Variants in GLIS1 observed in about 807,000 individuals in gnomAD.
GLIS1 encodes the protein zinc finger protein GLIS1.
Under a neutral mutation model 63.8 loss-of-function variants are expected in GLIS1, and 24 were observed. The ratio of observed to expected loss-of-function variants is 0.38; its 90% CI spans 0.27 to 0.53. The LOEUF is 0.53. Among genes scored for constraint, GLIS1 ranks in the 20% least tolerant of loss-of-function variants. GLIS1 has a pLI of 0.85. For missense variants in GLIS1, 1,036 were observed against 1,074.1 expected (o/e 0.96, Z 0.50); for synonymous variants, 450 against 482.5 (o/e 0.93, Z 0.88).
chr1:53,595,008 G>C lies in GLIS1; in HGVS notation c.438-18C>G, dbSNP rs1645241052. 1 of 1,408,794 alleles carries C rather than the reference G, an allele frequency of 7.1e-7. No homozygotes were observed. Among genetic ancestry groups the C allele is most frequent in the Non-Finnish European group, 9.2e-7 (1 of 1,087,034 alleles). The allele number at this position is 1,408,794 out of a possible 1,614,324, so 87.3% of individuals were successfully genotyped here. A position where few individuals can be genotyped will look rare whatever the true frequency, so the allele number is the denominator to read the frequency against. On this transcript the variant is annotated intron_variant, in intron 3 of 10. Transcript: ENST00000628545. ...TAGGTGACCTGGAAGACAGTGCCCAGAGAGGTCATGAGAGGCTGGGCTCGC... is the reference window on the plus strand; with the variant it reads ...TAGGTGACCTGGAAGACAGTGCCCACAGAGGTCATGAGAGGCTGGGCTCGC...
At chr1:53,529,403 T>G (rs1435033159) in intron 5 of GLIS1, among the ~76,000 whole-genome samples, 2 of 152,184 alleles carry the variant, frequency 1.3e-5, no homozygotes, top group Non-Finnish European at 1.5e-5. Context: ...TGACAGGTTC[T>G]GGGGAGGGGA....
At chr1:53,521,814 G>T (rs1001937138) in intron 6 of GLIS1, among the ~76,000 whole-genome samples, 3 of 152,250 alleles carry the variant, frequency 2.0e-5, no homozygotes, top group African/African-American at 7.2e-5. Flanking sequence ...TGGGAACAGG[G>T]TGAGGCCTTC....
At chr1:53,586,177 C>T (rs1645132596) in intron 4 of GLIS1, among the ~76,000 whole-genome samples, 1 of 152,304 alleles carries the variant, frequency 6.6e-6, no homozygotes, top group Non-Finnish European at 1.5e-5. Flanking sequence ...GCCCAAGCCC[C>T]CTGGGTTTGC....
At chr1:53,590,980 GTGGGA>G (rs1413332650) in intron 4 of GLIS1, among the ~76,000 whole-genome samples, 4 of 152,242 alleles carry the variant, frequency 2.6e-5, no homozygotes, top group Non-Finnish European at 4.4e-5. Context: ...GAGTGTTCCA[GTGGGA>G]TGGGATGGGG....
chr1:53,638,229 A>T (rs2100277806), intron 2 of GLIS1, among the ~76,000 whole-genome samples: 1 of 152,280 alleles, frequency 6.6e-6, no homozygotes, highest in South Asian at 2.1e-4. Context: ...GGGGAAAGGG[A>T]GGGTTCCTTG....
At chr1:53,636,079 C>A (rs1645719217) in intron 2 of GLIS1, among the ~76,000 whole-genome samples, 1 of 152,128 alleles carries the variant, frequency 6.6e-6, no homozygotes, top group Admixed American at 6.5e-5. Context: ...GGGGAATACT[C>A]TCCAGTTCAC....
At chr1:53,611,995 A>G (rs1319721200) in intron 2 of GLIS1, among the ~76,000 whole-genome samples, 3 of 151,914 alleles carry the variant, frequency 2.0e-5, no homozygotes, top group African/African-American at 4.8e-5. Context: ...CACCATGGCC[A>G]GCTAATTTTT....
At chr1:53,699,211 C>T (rs893710387) in intron 2 of GLIS1, among the ~76,000 whole-genome samples, 13 of 151,998 alleles carry the variant, frequency 8.6e-5, no homozygotes, top group Admixed American at 7.9e-4. Flanking sequence ...ACTACAGGCA[C>T]GCACCAACAC....
intron 2 of GLIS1, among the ~76,000 whole-genome samples, chr1:53,649,223 T>C (rs958872971): frequency 1.3e-5 from 2 of 152,250 alleles, no homozygotes; most frequent in African/African-American, 4.8e-5. Flanking sequence ...AGTTTAAATG[T>C]ATCCAAATCT....
chr1:53,542,175 C>T (rs1644649891), intron 4 of GLIS1, among the ~76,000 whole-genome samples: 1 of 152,234 alleles, frequency 6.6e-6, no homozygotes, highest in African/African-American at 2.4e-5. Context: ...AGGATATCCC[C>T]TTCCCTGATG....
intron 8 of GLIS1, among the ~76,000 whole-genome samples, chr1:53,513,269 G>A (rs902057296): frequency 2.6e-5 from 4 of 152,146 alleles, no homozygotes; most frequent in Admixed American, 2.0e-4. Context: ...CCTGGCTTGG[G>A]ATGCTGTCTG....
intron 7 of GLIS1, among the ~76,000 whole-genome samples, chr1:53,519,591 T>C (rs1253038912): frequency 1.3e-5 from 2 of 152,170 alleles, no homozygotes; most frequent in African/African-American, 4.8e-5. Context: ...TGCCCTTATC[T>C]GGGCTGGATG....
At chr1:53,571,424 A>T (rs558389289) in intron 4 of GLIS1, among the ~76,000 whole-genome samples, 2 of 152,306 alleles carry the variant, frequency 1.3e-5, no homozygotes, top group South Asian at 4.1e-4. Context: ...CATGAACAAG[A>T]ATATTCACAG....
chr1:53,648,739 T>A (rs1645873610), intron 2 of GLIS1, among the ~76,000 whole-genome samples: 1 of 152,042 alleles, frequency 6.6e-6, no homozygotes, highest in Admixed American at 6.5e-5. Context: ...CGAGAGAGTA[T>A]GTACTGTAAG....
Position 53,526,044 on chromosome 1 carries a change from G to A in GLIS1, c.1483-1157C>T, listed in dbSNP as rs1644465295. 1.3e-5 allele frequency among the ~76,000 whole-genome samples: 2 copies of A among 152,162 alleles called. No individual in the cohort carries two copies. Among genetic ancestry groups the A allele is most frequent in the Non-Finnish European group, 1.5e-5 (1 of 68,024 alleles). ...TGCTTGAGGACTCTGGCCGCTGCTG[G>A]GGCTTGAAGCTTACAAGGCTTCCCT... On this transcript the variant is annotated intron_variant, in intron 5 of 10. Coordinates refer to ENST00000628545, the MANE Select transcript of GLIS1 (RefSeq NM_001367484.1). This position sits in a 1 kb window ranked among gnomAD's most constrained non-coding sequence, Gnocchi z 4.4.
In GLIS1 at chr1:53,646,336, C is replaced by T. The variant is rs532384219; in HGVS notation, c.260-46058G>A. Among the ~76,000 whole-genome samples, 29 of 152,154 alleles carry T rather than the reference C, an allele frequency of 1.9e-4. No individual in the cohort carries two copies. The highest frequency in any genetic ancestry group is 7.0e-4 in the African/African-American group (29 of 41,492). ...AAAAGAATCTAAAAACAAACTAGACCATTAAAAAGTTAATTTGACAAGGTC... is the reference window on the plus strand; with the variant it reads ...AAAAGAATCTAAAAACAAACTAGACTATTAAAAAGTTAATTTGACAAGGTC... On this transcript the variant is annotated intron_variant, in intron 2 of 10. Coordinates refer to ENST00000628545, the MANE Select transcript of GLIS1 (RefSeq NM_001367484.1). The surrounding 1 kb of genome is among the most constrained non-coding windows in gnomAD (Gnocchi z 4.2).
chr1:53,662,856 C>T (rs1425949456), intron 2 of GLIS1, among the ~76,000 whole-genome samples: 1 of 152,190 alleles, frequency 6.6e-6, no homozygotes, highest in Non-Finnish European at 1.5e-5. Flanking sequence ...TGTTCTAAGT[C>T]CTTTACAGAG....
At chr1:53,621,382 C>T (rs1021981221) in intron 2 of GLIS1, among the ~76,000 whole-genome samples, 2 of 152,250 alleles carry the variant, frequency 1.3e-5, no homozygotes, top group African/African-American at 4.8e-5. Context: ...ACTCAGCCTG[C>T]CTGGCGCCTA....
At chr1:53,635,133 G>A (rs2100266708) in intron 2 of GLIS1, among the ~76,000 whole-genome samples, 1 of 152,188 alleles carries the variant, frequency 6.6e-6, no homozygotes, top group Non-Finnish European at 1.5e-5. Flanking sequence ...CAGGAGAGGG[G>A]CAAAAATTGA....
Sources: allele counts gnomAD v4.1 joint callset (sites outside exome capture counted in the v4.1 genomes callset), GRCh38; gene constraint gnomAD v4.1.1; non-coding constraint Gnocchi (gnomAD v3.1); transcripts MANE v1.5; gene names NCBI Gene and HGNC (gene_info 2026-07-23, HGNC 2026-07-21).